Variants in SH3D19 observed in about 807,000 individuals in gnomAD.
The protein encoded by SH3D19 is SH3 domain-containing protein 19.
SH3D19 carries 58 observed loss-of-function variants against 112.1 expected under a neutral mutation model. The ratio of observed to expected loss-of-function variants is 0.52; its 90% CI spans 0.42 to 0.64. The LOEUF is 0.64. SH3D19 is among the 30% of genes least tolerant of loss of function. The probability of loss-of-function intolerance (pLI) is 0.00; values close to 1 mark genes in which losing one functional copy is unlikely to be tolerated. For synonymous variants in SH3D19, 391 were observed against 448.5 expected, an observed-to-expected ratio of 0.87 and a Z score of 1.62; for missense variants, 1,090 against 1,263.4, an observed-to-expected ratio of 0.86 and a Z score of 2.08.
chr4:151,280,749 C>A (rs1774139872), intron 1 of SH3D19, among the ~76,000 whole-genome samples: 1 of 151,640 alleles, frequency 6.6e-6, no homozygotes, highest in Non-Finnish European at 1.5e-5. Flanking sequence ...TATGATTGTA[C>A]CACACATTCC....
intron 2 of SH3D19, among the ~76,000 whole-genome samples, chr4:151,208,529 C>G (rs1241219183): frequency 6.6e-6 from 1 of 152,108 alleles, no homozygotes. Context: ...CGGCACGAAA[C>G]CTGGCTAGTT....
At chr4:151,135,708 T>C (rs1407487563) in intron 14 of SH3D19, among the ~76,000 whole-genome samples, 1 of 152,008 alleles carries the variant, frequency 6.6e-6, no homozygotes, top group Non-Finnish European at 1.5e-5. Flanking sequence ...GTATTATAGG[T>C]GTGAGCTGCC....
At chr4:151,297,333 T>C (rs1166800453) in intron 1 of SH3D19, among the ~76,000 whole-genome samples, 1 of 152,252 alleles carries the variant, frequency 6.6e-6, no homozygotes, top group Non-Finnish European at 1.5e-5. Flanking sequence ...ATAAAGTAAT[T>C]GGAATCTAGT....
rs1759776988 is a variant in SH3D19, at chr4:151,175,329, C to T, written c.875G>A (p.Ser292Asn). ...NIMNTEQSQN[S>N]IVSRIKVFEG... ...AAACACTTTAATTCTGGAAACAATA[C>T]TATTTTGGCTTTGTTCTGTGTTCAT... is the stretch of plus-strand genomic sequence containing the variant. The change falls in exon 7 of 20, where the codon AGT (serine) becomes AAT (asparagine). Residue 292 changes from serine (S) to asparagine (N), a missense_variant. Coordinates refer to ENST00000604030, the MANE Select transcript of SH3D19 (RefSeq NM_001378122.1). 6.2e-7 allele frequency: 1 copy of T among 1,613,400 alleles called. No homozygotes were observed. Among genetic ancestry groups the T allele is most frequent in the East Asian group, 2.2e-5 (1 of 44,886 alleles).
intron 1 of SH3D19, among the ~76,000 whole-genome samples, chr4:151,248,424 G>A (rs921846805): frequency 6.6e-6 from 1 of 152,136 alleles, no homozygotes; most frequent in African/African-American, 2.4e-5. Context: ...AGTTTGCATT[G>A]AATAGAGATT....
chr4:151,177,423 C>T lies in SH3D19; in HGVS notation c.237-468G>A, dbSNP rs146716325. Among the ~76,000 whole-genome samples, 11 of 151,988 alleles carry T rather than the reference C, an allele frequency of 7.2e-5. No individual in the cohort carries two copies. In the East Asian group the frequency reaches 2.1e-3, roughly 30 times the overall value. Reference sequence around the variant, plus strand: ...GGTGACGCGATCTCAATCTTGGCTCCCTGCAACCTCCGCCTCTCAGGTTCA... The same window carrying T: ...GGTGACGCGATCTCAATCTTGGCTCTCTGCAACCTCCGCCTCTCAGGTTCA... On this transcript the variant is annotated intron_variant, in intron 4 of 19. Coordinates refer to ENST00000604030, the MANE Select transcript of SH3D19 (RefSeq NM_001378122.1).
chr4:151,168,902 A>T (rs1363587983), intron 7 of SH3D19, among the ~76,000 whole-genome samples: 2 of 151,788 alleles, frequency 1.3e-5, no homozygotes. Context: ...GGCCAGTATA[A>T]GACCTACACA....
chr4:151,175,138 G>A lies in SH3D19; in HGVS notation c.1066C>T (p.Leu356Phe), dbSNP rs938808589. 13 of 1,614,134 alleles carry A rather than the reference G, an allele frequency of 8.1e-6. No individual in the cohort carries two copies. The highest frequency in any genetic ancestry group is 2.2e-5 in the East Asian group (1 of 44,876). ...AGTCCTTCCTTGGAGGTCACCTTGA[G>A]TCTGTTCTCAGTCCCAGAGTCCCAC... ...GEWDSGTENR[L>F]KVTSKEGLTP... Residue 356 changes from leucine (L) to phenylalanine (F), a missense_variant, in exon 7 of 20, where the codon CTC becomes TTC. Leu to Phe is a conservative substitution (Grantham distance 22). Coordinates refer to ENST00000604030, the MANE Select transcript of SH3D19 (RefSeq NM_001378122.1).
At chr4:151,269,806 ATTT>A (rs1043940583) in intron 1 of SH3D19, among the ~76,000 whole-genome samples, 6 of 151,244 alleles carry the variant, frequency 4.0e-5, no homozygotes. Flanking sequence ...CTTTTTAAAA[ATTT>A]TTTATTTTTA....
chr4:151,237,577 C>T (rs1048518867), intron 1 of SH3D19, among the ~76,000 whole-genome samples: 2 of 152,164 alleles, frequency 1.3e-5, no homozygotes, highest in Non-Finnish European at 1.5e-5. Flanking sequence ...CCACAACAAA[C>T]TGACGTCTCT....
intron 8 of SH3D19, among the ~76,000 whole-genome samples, chr4:151,160,231 C>T (rs1756912608): frequency 6.6e-6 from 1 of 151,980 alleles, no homozygotes; most frequent in African/African-American, 2.4e-5. Context: ...GGACTACAGG[C>T]ACCCGCCACC....
At chr4:151,251,791 A>G (rs942995235) in intron 1 of SH3D19, among the ~76,000 whole-genome samples, 3 of 152,170 alleles carry the variant, frequency 2.0e-5, no homozygotes, top group South Asian at 4.1e-4. Flanking sequence ...CAACTATGCC[A>G]ATTTCACTTA....
chr4:151,253,664 C>T (rs992818059), intron 1 of SH3D19, among the ~76,000 whole-genome samples: 4 of 151,512 alleles, frequency 2.6e-5, no homozygotes, highest in Non-Finnish European at 5.9e-5. Flanking sequence ...TGGTGTGAAC[C>T]GGGGAAGCGG....
rs761177950 is a variant in SH3D19 at position 151,165,654 on chromosome 4, C to T, written c.1577G>A (p.Arg526Gln). The T allele has an allele frequency of 4.3e-6, 7 of 1,613,950 alleles. No homozygotes were observed. Among genetic ancestry groups the T allele is most frequent in the South Asian group, 1.1e-5 (1 of 91,064 alleles). ...LPAKTEPIKE[R>Q]AVQPAPTRKP... ...CCTGGTGGGTGCTGGTTGAACTGCT[C>T]GTTCTTTTATTGGTTCTGTTTTTGC... The change falls in exon 8 of 20, where the codon CGA (arginine) becomes CAA (glutamine). Residue 526 changes from arginine (R) to glutamine (Q), a missense_variant. Physicochemically the swap from Arg to Gln is conservative, Grantham distance 43. Transcript: ENST00000604030.
At position 151,277,204 on chromosome 4, in the gene SH3D19, T is replaced by C. The variant is rs1192661017; in HGVS notation, c.112+48037A>G. ...CCTGCTGGCTGTGCCTTCACGCTGC[T>C]CCTTCTGCTGGGGATCTCAGGTGAG... On this transcript the variant is annotated intron_variant, in intron 1 of 19. Coordinates refer to ENST00000604030, the MANE Select transcript of SH3D19 (RefSeq NM_001378122.1). The C allele has an allele frequency of 2.7e-6, 4 of 1,501,908 alleles. No individual in the cohort carries two copies. Among genetic ancestry groups the C allele is most frequent in the Middle Eastern group, 1.8e-4 (1 of 5,558 alleles). 93.0% of individuals were successfully genotyped at this position (1,501,908 alleles called of 1,614,324 possible). A position where few individuals can be genotyped will look rare whatever the true frequency, so the allele number is the denominator to read the frequency against.
chr4:151,321,819 C>T (rs1162085563), intron 1 of SH3D19, among the ~76,000 whole-genome samples: 1 of 152,162 alleles, frequency 6.6e-6, no homozygotes, highest in Non-Finnish European at 1.5e-5. Flanking sequence ...GTGTACAAGG[C>T]CTTCAGGCAA....
chr4:151,308,631 T>G (rs761596050), intron 1 of SH3D19, among the ~76,000 whole-genome samples: 2 of 152,170 alleles, frequency 1.3e-5, no homozygotes, highest in Non-Finnish European at 2.9e-5. Context: ...CTGACCAACC[T>G]ACTTAGAGCC....
chr4:151,287,873 CCT>C (rs1372534525), intron 1 of SH3D19, among the ~76,000 whole-genome samples: 2 of 151,976 alleles, frequency 1.3e-5, no homozygotes, highest in Non-Finnish European at 2.9e-5. Context: ...AAGTGAGACC[CCT>C]CTCTCTTTTT....
chr4:151,271,654 T>C (rs1773233509), intron 1 of SH3D19, among the ~76,000 whole-genome samples: 1 of 152,160 alleles, frequency 6.6e-6, no homozygotes, highest in African/African-American at 2.4e-5. Context: ...CCCTGGTCAA[T>C]AGGTACCATC....
Sources: allele counts gnomAD v4.1 joint callset (sites outside exome capture counted in the v4.1 genomes callset), GRCh38; gene constraint gnomAD v4.1.1; transcripts MANE v1.5; gene names NCBI Gene and HGNC (gene_info 2026-07-23, HGNC 2026-07-21).